Variants in SNX29 observed in about 807,000 individuals in gnomAD.
The protein encoded by SNX29 is sorting nexin 29, also known as sorting nexin-29.
A neutral mutation model predicts 102.1 loss-of-function variants in SNX29; 78 were observed. That is an observed-to-expected ratio of 0.76 (90% CI 0.64 to 0.92). SNX29 has a LOEUF of 0.92. SNX29 is among the 40% of genes least tolerant of loss of function. The pLI is 0.00. For synonymous variants in SNX29, 580 were observed against 414.5 expected (o/e 1.40, Z -4.85); for missense variants, 1,280 against 1,061.7 (o/e 1.21, Z -2.86).
chr16:12,216,068 C>T (rs961686408), intron 14 of SNX29, among the ~76,000 whole-genome samples: 1 of 152,128 alleles, frequency 6.6e-6, no homozygotes, highest in Non-Finnish European at 1.5e-5. Flanking sequence ...CGTGGCTTGC[C>T]TTAAATTGTT....
chr16:12,463,286 A>T (rs1300594169), intron 18 of SNX29, among the ~76,000 whole-genome samples: 1 of 152,234 alleles, frequency 6.6e-6, no homozygotes, highest in African/African-American at 2.4e-5. Flanking sequence ...TTCATTGCCT[A>T]ATCACCTCTG....
At position 12,512,367 on chromosome 16, in the gene SNX29, AAAATAT is replaced by A. The variant is rs1230088846; in HGVS notation, c.2179-12333_2179-12328del. Among the ~76,000 whole-genome samples the A allele has an allele frequency of 5.7e-3, 226 of 39,456 alleles. 13 individuals carry two copies. The highest frequency in any genetic ancestry group is 0.014 in the African/African-American group (136 of 9,722). 25.9% of individuals were successfully genotyped at this position (39,456 alleles called of 152,430 possible). On this transcript the variant is annotated intron_variant, in intron 19 of 20. Coordinates refer to ENST00000566228, the MANE Select transcript of SNX29 (RefSeq NM_032167.5). ...TACGTCCATCATGGAAGGCCCAGGG[AAAATAT>A]ATATATATATATATATATATATATA...
At chr16:12,020,389 A>G (rs750483268) in intron 3 of SNX29, among the ~76,000 whole-genome samples, 1 of 152,030 alleles carries the variant, frequency 6.6e-6, no homozygotes, top group Non-Finnish European at 1.5e-5. Flanking sequence ...TAGAATAGAG[A>G]TGAGGTTTTG....
chr16:12,248,701 C>T (rs1392804026), intron 14 of SNX29, among the ~76,000 whole-genome samples: 1 of 151,968 alleles, frequency 6.6e-6, no homozygotes. Flanking sequence ...AGGCATGAGC[C>T]ACCGCACCCA....
intron 16 of SNX29, among the ~76,000 whole-genome samples, chr16:12,388,660 AGTGG>A (rs1567512716): frequency 1.1e-4 from 16 of 152,334 alleles, no homozygotes; most frequent in African/African-American, 3.8e-4. Flanking sequence ...TAACTGGCTG[AGTGG>A]GACTGTGTTC....
intron 15 of SNX29, among the ~76,000 whole-genome samples, chr16:12,336,475 G>A (rs191688814): frequency 6.6e-6 from 1 of 152,326 alleles, no homozygotes; most frequent in East Asian, 1.9e-4. Context: ...TTGCAGTCAT[G>A]CCCATAGCTT....
intron 13 of SNX29, among the ~76,000 whole-genome samples, chr16:12,180,280 T>C (rs1011934977): frequency 1.3e-5 from 2 of 152,212 alleles, no homozygotes; most frequent in African/African-American, 4.8e-5. Flanking sequence ...TGTTCTGAGT[T>C]TGGTTACCTC....
chr16:12,017,983 G>A (rs984122088), intron 3 of SNX29, among the ~76,000 whole-genome samples: 19 of 151,990 alleles, frequency 1.3e-4, no homozygotes, highest in African/African-American at 4.6e-4. Flanking sequence ...TTGGCTCACT[G>A]CAACCCCAGC....
At chr16:12,486,669 G>A (rs376970685) in intron 19 of SNX29, among the ~76,000 whole-genome samples, 132 of 152,328 alleles carry the variant, frequency 8.7e-4, no homozygotes, top group African/African-American at 3.0e-3. Flanking sequence ...TCAGTCAGCC[G>A]TTGCCCATTT....
At chr16:12,393,463 G>T (rs1326074176) in intron 16 of SNX29, among the ~76,000 whole-genome samples, 1 of 142,336 alleles carries the variant, frequency 7.0e-6, no homozygotes, top group Non-Finnish European at 1.5e-5. Flanking sequence ...ACATGTGCTG[G>T]GTTCTTGGCC....
chr16:11,985,141 T>G (rs955136828), intron 1 of SNX29, among the ~76,000 whole-genome samples: 1 of 152,208 alleles, frequency 6.6e-6, no homozygotes, highest in African/African-American at 2.4e-5. Flanking sequence ...TGAATTGATT[T>G]GATTTTTTCC....
At chr16:12,536,191 AAGG>A (rs750839482) in intron 20 of SNX29, among the ~76,000 whole-genome samples, 6 of 152,094 alleles carry the variant, frequency 3.9e-5, no homozygotes, top group South Asian at 2.1e-4. Context: ...TCAGAAGATA[AAGG>A]AGGTTACGGC....
At chr16:12,077,935 T>G (rs931884304) in intron 10 of SNX29, among the ~76,000 whole-genome samples, 1 of 152,144 alleles carries the variant, frequency 6.6e-6, no homozygotes, top group African/African-American at 2.4e-5. Context: ...CACAGCATTT[T>G]TATCAACTGA....
intron 1 of SNX29, among the ~76,000 whole-genome samples, chr16:11,996,415 A>G (rs1441279591): frequency 6.6e-6 from 1 of 152,212 alleles, no homozygotes; most frequent in Non-Finnish European, 1.5e-5. Context: ...CTGCTTTTTA[A>G]CAAGATCTCC....
chr16:12,330,873 C>CT (rs942957500), intron 15 of SNX29, among the ~76,000 whole-genome samples: 8 of 152,248 alleles, frequency 5.3e-5, no homozygotes, highest in Non-Finnish European at 8.8e-5. Context: ...CTTCCCTGCA[C>CT]TTGCCTGCAA....
intron 14 of SNX29, among the ~76,000 whole-genome samples, chr16:12,221,095 C>T (rs536709902): frequency 2.0e-4 from 30 of 152,028 alleles, no homozygotes; most frequent in Non-Finnish European, 7.3e-5. Flanking sequence ...ATATATGAAT[C>T]GTATGATGAA....
intron 20 of SNX29, among the ~76,000 whole-genome samples, chr16:12,538,067 G>A (rs1039566206): frequency 6.6e-6 from 1 of 151,418 alleles, no homozygotes; most frequent in African/African-American, 2.4e-5. Context: ...CTTGGTGACA[G>A]CTTTCTTCTC....
intron 19 of SNX29, 28 bp downstream of exon 19, chr16:12,477,887 T>C: frequency 6.4e-7 from 1 of 1,555,788 alleles, no homozygotes; most frequent in Non-Finnish European, 8.7e-7. Flanking sequence ...GAAGCCCACT[T>C]GTCACTGCCT....
chr16:12,559,916 T>C (rs189314035), intron 20 of SNX29, among the ~76,000 whole-genome samples: 1 of 152,148 alleles, frequency 6.6e-6, no homozygotes, highest in Non-Finnish European at 1.5e-5. Context: ...GAGGTGGAGC[T>C]TGCAGTGAGT....
Sources: allele counts gnomAD v4.1 joint callset (sites outside exome capture counted in the v4.1 genomes callset), GRCh38; gene constraint gnomAD v4.1.1; transcripts MANE v1.5; gene names NCBI Gene and HGNC (gene_info 2026-07-23, HGNC 2026-07-21).